The following SP3 variants were observed in gnomAD, a reference collection of about 807,000 sequenced individuals.
SP3 encodes Sp3 transcription factor.
In SP3, 10 loss-of-function variants were observed where a neutral mutation model predicts 70.3. The observed-to-expected ratio is 0.14, with a 90% CI of 0.09 to 0.24. SP3 has a LOEUF of 0.24. SP3 is among the 10% of genes least tolerant of loss of function. The pLI, the probability that SP3 is intolerant of heterozygous loss-of-function variation, is 1.00. For missense variants in SP3, 825 were observed against 914.6 expected, an observed-to-expected ratio of 0.90 and a Z score of 1.26; for synonymous variants, 402 against 333.5, an observed-to-expected ratio of 1.21 and a Z score of -2.24.
chr2:173,957,732 A>C (rs577976644), intron 3 of SP3, among the ~76,000 whole-genome samples: 1 of 152,276 alleles, frequency 6.6e-6, no homozygotes, highest in South Asian at 2.1e-4. Flanking sequence ...TGTGTCTTAT[A>C]AAGATAAACT....
chr2:173,964,336 A>C, intron 2 of SP3, 69 bp downstream of exon 2: 1 of 529,344 alleles, frequency 1.9e-6, no homozygotes, highest in Non-Finnish European at 3.3e-6. Flanking sequence ...GCGAGGAGGG[A>C]GGGGAGAGGC....
chr2:173,933,903 A>G (rs2105475377), intron 4 of SP3, among the ~76,000 whole-genome samples: 1 of 152,100 alleles, frequency 6.6e-6, no homozygotes. Flanking sequence ...TTGCCCTTCA[A>G]CGAAATTCCT....
At chr2:173,936,559 A>G (rs1353531096) in intron 4 of SP3, among the ~76,000 whole-genome samples, 1 of 152,222 alleles carries the variant, frequency 6.6e-6, no homozygotes, top group Admixed American at 6.5e-5. Context: ...ATTTCTATTC[A>G]TGCTATAACA....
chr2:173,929,223 C>T (rs143319114), intron 4 of SP3, among the ~76,000 whole-genome samples: 25 of 152,236 alleles, frequency 1.6e-4, no homozygotes, highest in Middle Eastern at 3.4e-3. Flanking sequence ...TGGCCATGCC[C>T]GACATTAAGA....
chr2:173,918,458 G>T, intron 5 of SP3, 135 bp downstream of exon 5: 1 of 816,046 alleles, frequency 1.2e-6, no homozygotes, highest in African/African-American at 1.7e-5. Context: ...TCTAACTTCT[G>T]CCACACGCAT....
At chr2:173,954,819 C>T (rs2105497968) in intron 4 of SP3, 54 bp downstream of exon 4, 1 of 1,535,450 alleles carries the variant, frequency 6.5e-7, no homozygotes, top group South Asian at 1.2e-5. Context: ...AAAAAATTTC[C>T]CTCTATGTAT....
chr2:173,951,885 G>GATAGT, intron 4 of SP3, among the ~76,000 whole-genome samples: 1 of 152,270 alleles, frequency 6.6e-6, no homozygotes, highest in Admixed American at 6.5e-5. Flanking sequence ...CTATCATACA[G>GATAGT]ATCTTCCAAG....
chr2:173,914,091 G>A (rs1417666197), intron 5 of SP3: 2 of 151,902 alleles, frequency 1.3e-5, no homozygotes, highest in East Asian at 3.9e-4. Context: ...TAAGCAAGAA[G>A]AAAACTTTTT....
chr2:173,913,331 C>T, intron 5 of SP3, 65 bp from the exon 6 acceptor site: 1 of 1,139,564 alleles, frequency 8.8e-7, no homozygotes. Flanking sequence ...TTACCATTTA[C>T]ATCATATATC....
intron 3 of SP3, among the ~76,000 whole-genome samples, chr2:173,961,672 ATTAT>A (rs1431071529): frequency 6.6e-6 from 1 of 152,220 alleles, no homozygotes; most frequent in Admixed American, 6.5e-5. Context: ...CCAAAATACA[ATTAT>A]TTAAAAACAC....
intron 3 of SP3, among the ~76,000 whole-genome samples, chr2:173,960,812 T>TC (rs932641480): frequency 1.2e-4 from 16 of 135,972 alleles, no homozygotes; most frequent in African/African-American, 3.6e-4. Flanking sequence ...CCACTAAAAA[T>TC]ACAAAAAAAA....
intron 3 of SP3, among the ~76,000 whole-genome samples, chr2:173,960,172 A>C (rs1416460469): frequency 6.6e-6 from 1 of 152,234 alleles, no homozygotes; most frequent in Non-Finnish European, 1.5e-5. Context: ...TTTCTCAAAA[A>C]ACAAACAAAA....
Position 173,903,604 on chromosome 2 carries a change from A to G in SP3, c.*6337T>C, listed in dbSNP as rs1689231984. On this transcript the variant is annotated 3_prime_UTR_variant, in exon 7 of 7. Coordinates refer to ENST00000310015, the MANE Select transcript of SP3 (RefSeq NM_003111.5). ...GTAATTGGGTATACATAATTAAAAG[A>G]AAGACCCAAACCTATTCTGAGTCCT... Among the ~76,000 whole-genome samples, 2 of 152,336 alleles carry G rather than the reference A, an allele frequency of 1.3e-5. No homozygotes were observed. The highest frequency in any genetic ancestry group is 6.5e-5 in the Admixed American group (1 of 15,306).
intron 4 of SP3, among the ~76,000 whole-genome samples, chr2:173,935,317 T>C (rs1215193117): frequency 6.6e-6 from 1 of 152,154 alleles, no homozygotes; most frequent in African/African-American, 2.4e-5. Flanking sequence ...AAGCAGAGGT[T>C]ATCACCTCTG....
chr2:173,951,181 C>A (rs1460860334), intron 4 of SP3, among the ~76,000 whole-genome samples: 2 of 152,156 alleles, frequency 1.3e-5, no homozygotes, highest in African/African-American at 4.8e-5. Flanking sequence ...TTTTCTAACA[C>A]CTATAGAACG....
intron 4 of SP3, among the ~76,000 whole-genome samples, chr2:173,932,911 G>A (rs1052330430): frequency 3.9e-5 from 6 of 152,126 alleles, no homozygotes; most frequent in African/African-American, 1.4e-4. Context: ...AGAATGGCCT[G>A]AATCCCAGAG....
At chr2:173,951,170 A>C (rs6746356) in intron 4 of SP3, among the ~76,000 whole-genome samples, 37,109 of 152,090 alleles carry the variant, frequency 0.24, 4,643 homozygotes, top group Admixed American at 0.3. Flanking sequence ...TTCTAGATTT[A>C]TTTTCTAACA....
At chr2:173,950,672 A>G (rs1574420701) in intron 4 of SP3, among the ~76,000 whole-genome samples, 1 of 152,162 alleles carries the variant, frequency 6.6e-6, no homozygotes, top group East Asian at 1.9e-4. Flanking sequence ...AAAAAAAAAA[A>G]AAAGTAAAAA....
chr2:173,912,424 A>G (rs1309489281), intron 6 of SP3, among the ~76,000 whole-genome samples: 1 of 152,184 alleles, frequency 6.6e-6, no homozygotes, highest in African/African-American at 2.4e-5. Context: ...ATAGTTTTCA[A>G]TTCTCCAGTG....
Sources: allele counts gnomAD v4.1 joint callset (sites outside exome capture counted in the v4.1 genomes callset), GRCh38; gene constraint gnomAD v4.1.1; transcripts MANE v1.5; gene names NCBI Gene and HGNC (gene_info 2026-07-23, HGNC 2026-07-21).